RBM4B: variants seen among roughly 807,000 people sequenced by gnomAD.
The protein encoded by RBM4B is RNA-binding protein 4B.
RBM4B carries 13 observed loss-of-function variants against 28.5 expected under a neutral mutation model. That is an observed-to-expected ratio of 0.46 (90% CI 0.30 to 0.72). The LOEUF is 0.72. Among genes scored for constraint, RBM4B ranks in the 30% least tolerant of loss-of-function variants. The pLI is 0.09. For missense variants in RBM4B, 387 were observed against 477.6 expected (o/e 0.81, Z 1.77); for synonymous variants, 167 against 179.1 (o/e 0.93, Z 0.54).
At chr11:66,674,462 C>T (rs1220256987) in intron 2 of RBM4B, among the ~76,000 whole-genome samples, 3 of 151,822 alleles carry the variant, frequency 2.0e-5, no homozygotes, top group South Asian at 4.2e-4. Context: ...TCTCTGACCT[C>T]GTGATCCCCC....
At position 66,671,810 on chromosome 11, in the gene RBM4B, G is replaced by A. The variant is rs564373765; in HGVS notation, c.413-2519C>T. Among the ~76,000 whole-genome samples the A allele has an allele frequency of 5.3e-5, 8 of 152,120 alleles. No individual in the cohort carries two copies. In the South Asian group the frequency reaches 1.5e-3, roughly 28 times the overall value. On this transcript the variant is annotated intron_variant, in intron 2 of 3. Coordinates refer to ENST00000310046, the MANE Select transcript of RBM4B (RefSeq NM_031492.4). The stretch of plus-strand genomic sequence containing the variant: ...GGCTGGAGTGCAGTGGCGAAATCTC[G>A]GCTCACTGCAACCTCCACCTCGCGG...
rs773094220 is a variant in RBM4B at position 66,676,817 on chromosome 11, G to A, written c.263C>T (p.Thr88Ile). The change falls in exon 2 of 4, where the codon ACT (threonine) becomes ATT (isoleucine). Residue 88 changes from threonine to isoleucine, a missense_variant. Transcript: ENST00000310046. ...TKLHVGNISPTCTNQELRAKF... is the reference protein window; with the variant it reads ...TKLHVGNISPICTNQELRAKF... ...GGCTCGAAGCTCTTGGTTGGTACAA[G>A]TGGGGCTGATGTTACCCACGTGTAA... 7.4e-6 allele frequency: 12 copies of A among 1,614,082 alleles called. No individual in the cohort carries two copies. Among genetic ancestry groups the A allele is most frequent in the Non-Finnish European group, 1.0e-5 (12 of 1,180,050 alleles).
At chr11:66,668,503 C>A (rs1939330682) in intron 3 of RBM4B, 112 bp downstream of exon 3, 1 of 784,868 alleles carries the variant, frequency 1.3e-6, no homozygotes, top group Non-Finnish European at 2.1e-6. Flanking sequence ...GTAATTTGCA[C>A]CTTTTGGATA....
intron 2 of RBM4B, among the ~76,000 whole-genome samples, chr11:66,672,800 C>T (rs916968188): frequency 1.3e-5 from 2 of 152,068 alleles, no homozygotes; most frequent in Admixed American, 6.5e-5. Context: ...TCCAGCCTAG[C>T]CTTTAAATTT....
At chr11:66,674,869 C>G (rs958822908) in intron 2 of RBM4B, among the ~76,000 whole-genome samples, 2 of 152,178 alleles carry the variant, frequency 1.3e-5, no homozygotes, top group African/African-American at 4.8e-5. Flanking sequence ...CGCACCCTGC[C>G]TGTATTAAAT....
intron 2 of RBM4B, among the ~76,000 whole-genome samples, chr11:66,669,638 G>C (rs1319353383): frequency 6.6e-6 from 1 of 152,164 alleles, no homozygotes; most frequent in African/African-American, 2.4e-5. Context: ...TAGAGACAGG[G>C]TTTCTCCATG....
At chr11:66,669,387 C>G in intron 2 of RBM4B, 96 bp from the exon 3 acceptor site, 8 of 1,141,796 alleles carry the variant, frequency 7.0e-6, no homozygotes, top group Non-Finnish European at 1.0e-5. Context: ...TCATAAGACA[C>G]ATAGACGCAC....
chr11:66,670,745 T>G (rs1939434381), intron 2 of RBM4B, among the ~76,000 whole-genome samples: 1 of 150,224 alleles, frequency 6.7e-6, no homozygotes, highest in Non-Finnish European at 1.5e-5. Context: ...GAGGTGGAGG[T>G]TGCAGTGAGT....
intron 3 of RBM4B, 114 bp from the exon 4 acceptor site, chr11:66,665,692 C>G (rs969989428): frequency 2.0e-6 from 3 of 1,500,292 alleles, no homozygotes; most frequent in Non-Finnish European, 1.8e-6. Flanking sequence ...AAGAACAAAA[C>G]AAAACCAAGT....
At position 66,676,674 on chromosome 11, in the gene RBM4B, ACT is replaced by A. The variant is rs759158756; in HGVS notation, c.404_405del (p.Glu135ValfsTer53). 2 of 1,612,918 alleles carry A rather than the reference ACT, an allele frequency of 1.2e-6. No individual in the cohort carries two copies. Among genetic ancestry groups the A allele is most frequent in the Admixed American group, 1.7e-5 (1 of 59,930 alleles). Reference sequence around the variant, plus strand: ...CAGGCCCAGAGCAGTTCACCTTGAAACTCTGTGTTGTCAAGGCCCCTGATGGC... The same window carrying A: ...CAGGCCCAGAGCAGTTCACCTTGAAACTGTGTTGTCAAGGCCCCTGATGGC... ...VEAIRGLDNT[E>X]FQGKRMHVQL... On this transcript the variant is annotated frameshift_variant, in exon 2 of 4. Coordinates refer to ENST00000310046, the MANE Select transcript of RBM4B (RefSeq NM_031492.4). LOFTEE classifies it high-confidence loss of function.
chr11:66,669,071 G>T lies in RBM4B; in HGVS notation c.633C>A (p.Tyr211Ter), dbSNP rs1939369284. 6.2e-7 allele frequency: 1 copy of T among 1,614,060 alleles called. No homozygotes were observed. The highest frequency in any genetic ancestry group is 8.5e-7 in the Non-Finnish European group (1 of 1,180,036). ...YTMGYGESMY[Y>*]NDAYGALDYY... ...AGTCGAGTGCTCCATATGCATCGTT[G>T]TAATACATGGATTCCCCGTAGCCCA... The change falls in exon 3 of 4, where the codon TAC (tyrosine) becomes TAA (stop). Residue 211 changes from tyrosine (Y) to a stop codon, truncating the protein, a stop_gained. Transcript: ENST00000310046. LOFTEE classifies it high-confidence loss of function.
Position 66,669,002 on chromosome 11 carries a change from C to A in RBM4B, c.702G>T (p.Ala234=). 1.2e-6 allele frequency: 2 copies of A among 1,614,184 alleles called. No homozygotes were observed. The highest frequency in any genetic ancestry group is 1.7e-6 in the Non-Finnish European group (2 of 1,180,036). Residue 234 remains alanine (A), a synonymous_variant, in exon 3 of 4, where the codon GCG becomes GCT. Coordinates refer to ENST00000310046, the MANE Select transcript of RBM4B (RefSeq NM_031492.4). Reference sequence around the variant, plus strand: ...AGTTGTATGCAGAAGCCGCTGCCGCCGCTGCTACTGCCTCATAAGAGCGGA... The same window carrying A: ...AGTTGTATGCAGAAGCCGCTGCCGCAGCTGCTACTGCCTCATAAGAGCGGA... ...YRVRSYEAVA[A]AAAASAYNYA...
At position 66,669,286 on chromosome 11, in the gene RBM4B, T is replaced by G; in HGVS notation, c.418A>C (p.Arg140=). Residue 140 remains arginine (R), a synonymous_variant, in exon 3 of 4, where the codon AGA becomes CGA. Transcript: ENST00000310046. The stretch of plus-strand genomic sequence containing the variant: ...CTTGTGGACAACTGCACATGCATTC[T>G]TTTGCCTTGAGGGAACAGATGTAAG... ...GLDNTEFQGK[R]MHVQLSTSRL... 6.2e-7 allele frequency: 1 copy of G among 1,612,332 alleles called. No homozygotes were observed.
chr11:66,669,376 G>T, intron 2 of RBM4B, 85 bp from the exon 3 acceptor site: 1 of 1,319,168 alleles, frequency 7.6e-7, no homozygotes, highest in Non-Finnish European at 1.1e-6. Context: ...TAAATTAGTT[G>T]TCATAAGACA....
intron 3 of RBM4B, 168 bp from the exon 4 acceptor site, chr11:66,665,746 T>TATCA: frequency 7.6e-7 from 1 of 1,307,878 alleles, no homozygotes; most frequent in Non-Finnish European, 1.0e-6. Flanking sequence ...CCTAGGAGTC[T>TATCA]ATCAATAGCT....
intron 2 of RBM4B, chr11:66,675,644 T>C (rs576905751): frequency 3.3e-5 from 5 of 152,322 alleles, no homozygotes; most frequent in African/African-American, 1.2e-4. Flanking sequence ...AGGTGTTGAC[T>C]TAGGAACCAC....
intron 2 of RBM4B, 36 bp from the exon 3 acceptor site, chr11:66,669,327 T>C: frequency 6.3e-7 from 1 of 1,580,914 alleles, no homozygotes; most frequent in Non-Finnish European, 8.7e-7. Flanking sequence ...TTATTTTAAC[T>C]CACTTGACAT....
chr11:66,665,867 CCT>C (rs1468989651), intron 3 of RBM4B: 39 of 1,532,798 alleles, frequency 2.5e-5, no homozygotes, highest in Non-Finnish European at 3.1e-5. Flanking sequence ...CAAGATAACC[CCT>C]GTGACAGAAG....
chr11:66,676,575 A>C, intron 2 of RBM4B, 93 bp downstream of exon 2: 8 of 1,411,990 alleles, frequency 5.7e-6, no homozygotes, highest in Non-Finnish European at 6.8e-6. Context: ...ACAGAATGGA[A>C]GAGACCACCC....
Sources: gnomAD v4.1 joint callset for allele counts (sites outside exome capture counted in the v4.1 genomes callset) on GRCh38, gnomAD v4.1.1 for gene constraint, MANE v1.5 for transcripts, NCBI Gene and HGNC (gene_info 2026-07-23, HGNC 2026-07-21) for gene names.